The following CENPS variants were observed in gnomAD, a reference collection of about 807,000 sequenced individuals.
CENPS encodes the protein FANCM associated histone fold protein 1.
CENPS carries 16 observed loss-of-function variants against 17.9 expected under a neutral mutation model. The observed-to-expected ratio is 0.90, with a 90% confidence interval of 0.61 to 1.36. The LOEUF is 1.36. CENPS is among the 40% of genes most tolerant of loss of function. CENPS has a pLI of 0.00. For missense variants in CENPS, 160 were observed against 158.6 expected, an observed-to-expected ratio of 1.01 and a Z score of -0.05; for synonymous variants, 49 against 55.8, an observed-to-expected ratio of 0.88 and a Z score of 0.54.
chr1:10,441,942 A>G (rs999899413), intron 4 of CENPS, among the ~76,000 whole-genome samples: 3 of 152,154 alleles, frequency 2.0e-5, no homozygotes, highest in African/African-American at 7.2e-5. Flanking sequence ...ACAACTCTTA[A>G]TAACACAACT....
At chr1:10,432,637 GGGAGGA>G (rs1005312239) in intron 1 of CENPS, among the ~76,000 whole-genome samples, 3 of 152,098 alleles carry the variant, frequency 2.0e-5, no homozygotes, top group East Asian at 1.9e-4. Context: ...CCAGGGGGAG[GGGAGGA>G]GGAGGAGGAG....
intron 3 of CENPS, among the ~76,000 whole-genome samples, chr1:10,436,340 GTGTGTGTGTA>G (rs1640157808): frequency 6.6e-6 from 1 of 150,822 alleles, no homozygotes; most frequent in Non-Finnish European, 1.5e-5. Flanking sequence ...GCATGTGAGT[GTGTGTGTGTA>G]TGTGTGTGTG....
chr1:10,436,337 A>AGT (rs373435454), intron 3 of CENPS, among the ~76,000 whole-genome samples: 3,077 of 150,586 alleles, frequency 0.02, 73 homozygotes, highest in Middle Eastern at 0.1. Context: ...CGTGCATGTG[A>AGT]GTGTGTGTGT....
intron 1 of CENPS, chr1:10,430,899 C>T (rs1391742038): frequency 7.8e-7 from 1 of 1,278,858 alleles, no homozygotes; most frequent in Non-Finnish European, 9.9e-7. Context: ...GAGGGTACAA[C>T]GTCGGCATTA....
intron 3 of CENPS, among the ~76,000 whole-genome samples, chr1:10,438,431 C>T (rs890299562): frequency 3.3e-5 from 5 of 152,204 alleles, no homozygotes; most frequent in East Asian, 1.9e-4. Context: ...AGACATGAGC[C>T]GCCACACCTG....
At chr1:10,437,267 C>T (rs1640206222) in intron 3 of CENPS, among the ~76,000 whole-genome samples, 1 of 151,950 alleles carries the variant, frequency 6.6e-6, no homozygotes, top group South Asian at 2.1e-4. Flanking sequence ...GTGATCCTCC[C>T]ACCTTGGCCT....
intron 1 of CENPS, chr1:10,431,037 G>T (rs1264501031): frequency 1.5e-6 from 2 of 1,340,746 alleles, no homozygotes; most frequent in East Asian, 3.2e-5. Flanking sequence ...CCCAGAGCTC[G>T]TCCTTAGATG....
chr1:10,430,987 C>A, intron 1 of CENPS: 1 of 1,280,226 alleles, frequency 7.8e-7, no homozygotes. Flanking sequence ...GGCGTCGACC[C>A]CTCGTTACTG....
rs1340771514 is a variant in CENPS, at chr1:10,436,840, CTCT to C, written c.209+2155_209+2157del. Reference sequence around the variant, plus strand: ...GCAGCCAGAGGCAGGGAAGCACCCCCTCTTCTTAGCACAACCCACAAGTACAGG... The same window carrying C: ...GCAGCCAGAGGCAGGGAAGCACCCCCTCTTAGCACAACCCACAAGTACAGG... On this transcript the variant is annotated intron_variant, in intron 3 of 4. Coordinates refer to ENST00000309048, the MANE Select transcript of CENPS (RefSeq NM_199294.3). Among the ~76,000 whole-genome samples the C allele has an allele frequency of 3.9e-5, 6 of 152,316 alleles. No individual in the cohort carries two copies. The East Asian group carries it at 9.6e-4, about 24-fold the overall frequency.
At chr1:10,434,828 C>G in intron 3 of CENPS, 138 bp downstream of exon 3, 1 of 1,251,896 alleles carries the variant, frequency 8.0e-7, no homozygotes, top group Non-Finnish European at 1.1e-6. Context: ...AATCATGGTT[C>G]TGCAAGAACA....
chr1:10,433,604 A>G (rs1389302594), intron 1 of CENPS, among the ~76,000 whole-genome samples: 3 of 152,284 alleles, frequency 2.0e-5, no homozygotes, highest in East Asian at 3.9e-4. Context: ...CTTGCCATCT[A>G]ATTTCTTATC....
intron 3 of CENPS, among the ~76,000 whole-genome samples, chr1:10,437,951 G>A (rs552969935): frequency 2.8e-4 from 42 of 151,852 alleles, no homozygotes; most frequent in Non-Finnish European, 5.7e-4. Context: ...TAATAGAGAT[G>A]GGGTTTCACC....
At chr1:10,442,095 A>T (rs1557780494) in intron 4 of CENPS, among the ~76,000 whole-genome samples, 170 bp from the exon 5 acceptor site, 2 of 152,274 alleles carry the variant, frequency 1.3e-5, no homozygotes, top group East Asian at 3.9e-4. Flanking sequence ...AAAAAAGAAA[A>T]AAAAAATTGA....
chr1:10,431,271 G>A, intron 1 of CENPS: 3 of 1,535,050 alleles, frequency 2.0e-6, no homozygotes, highest in Non-Finnish European at 2.6e-6. Context: ...TAAAGAGGAC[G>A]GACTGAAGAA....
At chr1:10,430,792 C>T (rs1043538131) in intron 1 of CENPS, 8 of 1,367,302 alleles carry the variant, frequency 5.9e-6, no homozygotes, top group Non-Finnish European at 7.5e-6. Context: ...GGAAGCGGTT[C>T]TAGGGGAGCG....
intron 1 of CENPS, among the ~76,000 whole-genome samples, chr1:10,433,108 C>T: frequency 6.6e-6 from 1 of 152,120 alleles, no homozygotes; most frequent in South Asian, 2.1e-4. Context: ...TGTCTTCGGC[C>T]CCGAGGCGGA....
chr1:10,439,850 T>A (rs1640333374), intron 3 of CENPS, among the ~76,000 whole-genome samples: 1 of 152,168 alleles, frequency 6.6e-6, no homozygotes, highest in Non-Finnish European at 1.5e-5. Context: ...CTGCATATGC[T>A]TTTTCCTGTT....
intron 1 of CENPS, among the ~76,000 whole-genome samples, chr1:10,432,075 G>A (rs1390117647): frequency 4.7e-5 from 7 of 149,720 alleles, no homozygotes; most frequent in African/African-American, 1.2e-4. Context: ...TGCCTACCCT[G>A]TTTTTTTTTG....
intron 4 of CENPS, among the ~76,000 whole-genome samples, 183 bp from the exon 5 acceptor site, chr1:10,442,082 A>T (rs563018133): frequency 9.8e-5 from 13 of 132,484 alleles, no homozygotes; most frequent in South Asian, 2.6e-4. Context: ...CAAAAAATTT[A>T]AAAAAAAAGA....
Sources: gnomAD v4.1 joint callset for allele counts (sites outside exome capture counted in the v4.1 genomes callset) on GRCh38, gnomAD v4.1.1 for gene constraint, MANE v1.5 for transcripts, NCBI Gene and HGNC (gene_info 2026-07-23, HGNC 2026-07-21) for gene names.